Variants in EEA1 observed in about 807,000 individuals in gnomAD.
EEA1 encodes early endosome antigen 1, 162kD.
A neutral mutation model predicts 209.2 loss-of-function variants in EEA1; 111 were observed. The ratio of observed to expected loss-of-function variants is 0.53; its 90% confidence interval spans 0.45 to 0.62. The LOEUF is 0.62. EEA1 is among the 20% of genes least tolerant of loss of function. The pLI, the probability that EEA1 is intolerant of heterozygous loss-of-function variation, is 0.00. For synonymous variants in EEA1, 536 were observed against 540.6 expected, an observed-to-expected ratio of 0.99 and a Z score of 0.12; for missense variants, 1,343 against 1,530.8, an observed-to-expected ratio of 0.88 and a Z score of 2.05.
intron 2 of EEA1, among the ~76,000 whole-genome samples, chr12:92,886,066 C>CT (rs1270438500): frequency 6.6e-6 from 1 of 151,444 alleles, no homozygotes; most frequent in Non-Finnish European, 1.5e-5. Flanking sequence ...GTTTCAAATA[C>CT]TATAATGCTA....
chr12:92,784,215 A>G (rs958214485), intron 22 of EEA1, among the ~76,000 whole-genome samples: 21 of 152,184 alleles, frequency 1.4e-4, no homozygotes, highest in Admixed American at 1.1e-3. Context: ...ACATCGCCCA[A>G]AAAGCAGAAC....
At chr12:92,781,067 T>C (rs573150245) in intron 23 of EEA1, among the ~76,000 whole-genome samples, 29 of 152,240 alleles carry the variant, frequency 1.9e-4, no homozygotes, top group African/African-American at 6.7e-4. Context: ...TGCACCACCA[T>C]GCCCAGCTAA....
At chr12:92,883,330 C>T (rs76240757) in intron 2 of EEA1, among the ~76,000 whole-genome samples, 1,777 of 152,240 alleles carry the variant, frequency 0.012, 33 homozygotes, top group African/African-American at 0.041. Context: ...AACTTGGCTG[C>T]ACAGTTTGCA....
chr12:92,919,174 G>A (rs1170613733), intron 1 of EEA1, among the ~76,000 whole-genome samples: 2 of 150,508 alleles, frequency 1.3e-5, no homozygotes, highest in Non-Finnish European at 3.0e-5. Flanking sequence ...GGTACAAGGA[G>A]GAACTGGTAC....
At chr12:92,922,882 C>T (rs1881057706) in intron 1 of EEA1, among the ~76,000 whole-genome samples, 1 of 151,500 alleles carries the variant, frequency 6.6e-6, no homozygotes, top group African/African-American at 2.4e-5. Context: ...TGCTTGAACC[C>T]GGGAGGCAGA....
chr12:92,848,443 C>G (rs1877470059), intron 9 of EEA1, among the ~76,000 whole-genome samples: 1 of 151,986 alleles, frequency 6.6e-6, no homozygotes, highest in Non-Finnish European at 1.5e-5. Context: ...AGCAACATAG[C>G]AAGACCCCAT....
intron 21 of EEA1, 23 bp downstream of exon 21, chr12:92,798,869 A>G: frequency 6.7e-7 from 1 of 1,501,664 alleles, no homozygotes; most frequent in South Asian, 1.4e-5. Context: ...CTTCCTATAA[A>G]AAGTAAACAA....
intron 25 of EEA1, 130 bp downstream of exon 25, chr12:92,778,985 C>G: frequency 1.4e-6 from 1 of 723,032 alleles, no homozygotes; most frequent in South Asian, 3.2e-5. Context: ...TAAATCAGAT[C>G]TCCTTCCTTA....
chr12:92,782,934 C>G (rs879879016), intron 22 of EEA1, among the ~76,000 whole-genome samples: 1 of 152,224 alleles, frequency 6.6e-6, no homozygotes, highest in Non-Finnish European at 1.5e-5. Context: ...GCTGAACATA[C>G]GGAGCCTGGA....
At position 92,799,201 on chromosome 12, in the gene EEA1, T is replaced by G. The variant is rs1047137456; in HGVS notation, c.2773-115A>C. ...TCATTTGTTCATTCAAAAGACAATT[T>G]ACTGAGTAACTACTACACTCCAGGC... On this transcript the variant is annotated intron_variant, in intron 20 of 28. Coordinates refer to ENST00000322349, the MANE Select transcript of EEA1 (RefSeq NM_003566.4). 11 of 894,426 alleles carry G rather than the reference T, an allele frequency of 1.2e-5. No individual in the cohort carries two copies. In the Admixed American group the frequency reaches 3.0e-4, roughly 24 times the overall value. The allele number at this position is 894,426 out of a possible 1,614,324, so 55.4% of individuals were successfully genotyped here. A position where few individuals can be genotyped will look rare whatever the true frequency, so the allele number is the denominator to read the frequency against.
intron 21 of EEA1, among the ~76,000 whole-genome samples, chr12:92,796,750 A>G (rs1220457716): frequency 1.3e-5 from 2 of 152,206 alleles, no homozygotes; most frequent in South Asian, 4.1e-4. Context: ...TCTACCATAT[A>G]CACTGACATT....
chr12:92,887,600 G>C (rs902691793), intron 2 of EEA1, among the ~76,000 whole-genome samples: 1 of 151,988 alleles, frequency 6.6e-6, no homozygotes, highest in East Asian at 1.9e-4. Flanking sequence ...GAGGTGCAGT[G>C]AACTATGACC....
chr12:92,923,412 A>C (rs533727353), intron 1 of EEA1, among the ~76,000 whole-genome samples: 1 of 152,204 alleles, frequency 6.6e-6, no homozygotes, highest in Non-Finnish European at 1.5e-5. Context: ...AAACCCTTCA[A>C]GCTACCTGTT....
chr12:92,857,682 T>C (rs188095832), intron 3 of EEA1, among the ~76,000 whole-genome samples, 197 bp from the exon 4 acceptor site: 2 of 152,314 alleles, frequency 1.3e-5, no homozygotes, highest in East Asian at 1.9e-4. Context: ...GCTTACTGTT[T>C]ATAAATGGAA....
intron 16 of EEA1, among the ~76,000 whole-genome samples, chr12:92,812,203 C>T (rs1853556005): frequency 6.6e-6 from 1 of 151,996 alleles, no homozygotes; most frequent in Admixed American, 6.5e-5. Context: ...GTGGCACATG[C>T]TTGTAATCCC....
intron 1 of EEA1, among the ~76,000 whole-genome samples, chr12:92,917,647 A>C (rs1427161354): frequency 7.2e-5 from 11 of 152,046 alleles, no homozygotes; most frequent in African/African-American, 2.2e-4. Context: ...ATCATGCCAA[A>C]ATGTAAAGAC....
intron 9 of EEA1, among the ~76,000 whole-genome samples, chr12:92,843,169 T>A (rs1877244888): frequency 6.6e-6 from 1 of 151,910 alleles, no homozygotes; most frequent in Non-Finnish European, 1.5e-5. Flanking sequence ...TTATTATTAT[T>A]TTTTTTTATA....
intron 18 of EEA1, 57 bp from the exon 19 acceptor site, chr12:92,802,791 A>G (rs559721298): frequency 2.3e-6 from 3 of 1,324,180 alleles, no homozygotes; most frequent in African/African-American, 1.5e-5. Flanking sequence ...CTTCTAATTT[A>G]CCATTCAAAA....
At chr12:92,800,721 C>G (rs1224714541) in intron 20 of EEA1, among the ~76,000 whole-genome samples, 2 of 152,138 alleles carry the variant, frequency 1.3e-5, no homozygotes, top group East Asian at 3.8e-4. Context: ...CACATAGATT[C>G]ATATAGACTC....
Sources: allele counts gnomAD v4.1 joint callset (sites outside exome capture counted in the v4.1 genomes callset), GRCh38; gene constraint gnomAD v4.1.1; transcripts MANE v1.5; gene names NCBI Gene and HGNC (gene_info 2026-07-23, HGNC 2026-07-21).